Variants in RCL1 observed in about 807,000 individuals in gnomAD.
RCL1 encodes RNA 3'-terminal phosphate cyclase-like protein.
Under a neutral mutation model 42.4 loss-of-function variants are expected in RCL1, and 24 were observed. The ratio of observed to expected loss-of-function variants is 0.57; its 90% CI spans 0.41 to 0.80. The LOEUF is 0.80. Among genes scored for constraint, RCL1 ranks in the 30% least tolerant of loss-of-function variants. RCL1 has a pLI of 0.00. For synonymous variants in RCL1, 228 were observed against 177.3 expected, an observed-to-expected ratio of 1.29 and a Z score of -2.27; for missense variants, 578 against 467.9, an observed-to-expected ratio of 1.24 and a Z score of -2.17.
chr9:4,819,800 C>T (rs1290536180), intron 1 of RCL1, among the ~76,000 whole-genome samples: 4 of 152,108 alleles, frequency 2.6e-5, no homozygotes, highest in East Asian at 1.9e-4. Flanking sequence ...AGCGAGACTC[C>T]GTCTCAAAAA....
Position 4,858,735 on chromosome 9 carries a change from C to A in RCL1, c.972-1390C>A, listed in dbSNP as rs145194554. Among the ~76,000 whole-genome samples, 742 of 116,550 alleles carry A rather than the reference C, an allele frequency of 6.4e-3. 5 individuals carry two copies. The highest frequency in any genetic ancestry group is 0.023 in the African/African-American group (721 of 31,268). The allele number at this position is 116,550 out of a possible 152,430, so 76.5% of individuals were successfully genotyped here. ...TGTTTTTAAAGCTCCTTAGGTTATTCCATGTGCAGTCGAGATTGAGAACCA... is the reference window on the plus strand; with the variant it reads ...TGTTTTTAAAGCTCCTTAGGTTATTACATGTGCAGTCGAGATTGAGAACCA... On this transcript the variant is annotated intron_variant, in intron 8 of 8. Transcript: ENST00000381750.
intron 8 of RCL1, among the ~76,000 whole-genome samples, chr9:4,859,297 A>T (rs1374270368): frequency 6.6e-6 from 1 of 152,166 alleles, no homozygotes; most frequent in Non-Finnish European, 1.5e-5. Flanking sequence ...CTTCTGCCAA[A>T]TATGTACAAA....
chr9:4,836,048 T>C (rs907944635), intron 5 of RCL1, among the ~76,000 whole-genome samples: 3 of 151,678 alleles, frequency 2.0e-5, no homozygotes, highest in African/African-American at 4.9e-5. Context: ...ATGGGCGGGG[T>C]AGGATAAGAG....
At chr9:4,853,751 A>C (rs10758657) in intron 8 of RCL1, among the ~76,000 whole-genome samples, 394 of 152,092 alleles carry the variant, frequency 2.6e-3, no homozygotes, top group African/African-American at 8.9e-3. Context: ...CTGTAAAATG[A>C]TCTCTTTCTA....
intron 1 of RCL1, among the ~76,000 whole-genome samples, chr9:4,802,049 T>C (rs952418489): frequency 6.6e-6 from 1 of 151,582 alleles, no homozygotes; most frequent in African/African-American, 2.4e-5. Flanking sequence ...TCTGGGATTA[T>C]AGGTGTGTGC....
At chr9:4,794,329 G>A (rs950729660) in intron 1 of RCL1, among the ~76,000 whole-genome samples, 1 of 152,204 alleles carries the variant, frequency 6.6e-6, no homozygotes, top group Non-Finnish European at 1.5e-5. Flanking sequence ...GAAAGAAGCA[G>A]AATATCCCAG....
intron 1 of RCL1, among the ~76,000 whole-genome samples, chr9:4,811,442 G>T (rs75777937): frequency 1.3e-5 from 2 of 151,386 alleles, no homozygotes; most frequent in Non-Finnish European, 1.5e-5. Flanking sequence ...CCCTTTCCCC[G>T]CCTCTAGTAA....
chr9:4,858,265 A>G (rs975361741), intron 8 of RCL1, among the ~76,000 whole-genome samples: 3 of 152,164 alleles, frequency 2.0e-5, no homozygotes, highest in Admixed American at 6.5e-5. Context: ...TTTATCAGAT[A>G]TATGACTTGC....
intron 8 of RCL1, among the ~76,000 whole-genome samples, chr9:4,858,290 A>T (rs989856372): frequency 1.3e-5 from 2 of 152,062 alleles, no homozygotes; most frequent in Non-Finnish European, 2.9e-5. Context: ...CTTTTCTCCA[A>T]TCCTGTAGGT....
chr9:4,814,783 C>G lies in RCL1; in HGVS notation c.137-8765C>G, dbSNP rs576427694. Among the ~76,000 whole-genome samples, 121 of 152,136 alleles carry G rather than the reference C, an allele frequency of 8.0e-4. 2 individuals are homozygous for G. The highest frequency in any genetic ancestry group is 3.4e-3 in the Middle Eastern group (1 of 294). On this transcript the variant is annotated intron_variant, in intron 1 of 8. Coordinates refer to ENST00000381750, the MANE Select transcript of RCL1 (RefSeq NM_005772.5). Reference sequence around the variant, plus strand: ...TTTTCATTTCTAGATGTAGGACCTTCTTGAGCATTTCTTGTAAGGCCTGGC... The same window carrying G: ...TTTTCATTTCTAGATGTAGGACCTTGTTGAGCATTTCTTGTAAGGCCTGGC...
chr9:4,797,869 C>A (rs1264997023), intron 1 of RCL1, among the ~76,000 whole-genome samples: 1 of 152,188 alleles, frequency 6.6e-6, no homozygotes, highest in Non-Finnish European at 1.5e-5. Flanking sequence ...TGAAAGGAAT[C>A]TGAACCCCAA....
chr9:4,802,074 ATTTTTTTTTTT>A (rs34756856), intron 1 of RCL1, among the ~76,000 whole-genome samples: 1 of 95,458 alleles, frequency 1.0e-5, no homozygotes. Flanking sequence ...ACGCCTGGCT[ATTTTTTTTTTT>A]TTTTTTTTTT....
chr9:4,800,950 G>C (rs893080616), intron 1 of RCL1, among the ~76,000 whole-genome samples: 7 of 152,292 alleles, frequency 4.6e-5, no homozygotes, highest in African/African-American at 1.7e-4. Context: ...CACCACACTG[G>C]CCTGGATGTA....
At chr9:4,817,258 G>C (rs1364332848) in intron 1 of RCL1, among the ~76,000 whole-genome samples, 1 of 151,748 alleles carries the variant, frequency 6.6e-6, no homozygotes, top group Middle Eastern at 3.2e-3. Flanking sequence ...ATTTGTTTTG[G>C]TTTGTCATTT....
At chr9:4,847,124 C>G (rs1409816306) in intron 7 of RCL1, among the ~76,000 whole-genome samples, 1 of 152,156 alleles carries the variant, frequency 6.6e-6, no homozygotes, top group African/African-American at 2.4e-5. Context: ...GGTGTTCCAC[C>G]CGCCTCGGCC....
intron 5 of RCL1, among the ~76,000 whole-genome samples, chr9:4,838,324 C>T: frequency 6.6e-6 from 1 of 152,214 alleles, no homozygotes; most frequent in Admixed American, 6.5e-5. Flanking sequence ...CTGCCAGCAG[C>T]TGTGACTACA....
rs568031944 is a variant in RCL1 at position 4,852,027 on chromosome 9, A to G, written c.971+2477A>G. Among the ~76,000 whole-genome samples, 217 of 151,940 alleles carry G rather than the reference A, an allele frequency of 1.4e-3. 1 individual carries two copies. Among genetic ancestry groups the G allele is most frequent in the African/African-American group, 4.5e-3 (188 of 41,436 alleles). On this transcript the variant is annotated intron_variant, in intron 8 of 8. Transcript: ENST00000381750. ...CTCCCGAGTAGCTGGGACTACAGGC[A>G]CCCGCCACCGTGCCTGGCTAATTTT...
chr9:4,798,777 A>G (rs574092567), intron 1 of RCL1, among the ~76,000 whole-genome samples: 1 of 152,216 alleles, frequency 6.6e-6, no homozygotes, highest in African/African-American at 2.4e-5. Flanking sequence ...CTAACTGTAG[A>G]TTGAATATGT....
chr9:4,844,777 C>G, intron 7 of RCL1, 96 bp downstream of exon 7: 1 of 1,281,872 alleles, frequency 7.8e-7, no homozygotes, highest in South Asian at 1.4e-5. Context: ...TCCAAGGGCT[C>G]AAGCCAAGGA....
Sources: allele counts gnomAD v4.1 joint callset (sites outside exome capture counted in the v4.1 genomes callset), GRCh38; gene constraint gnomAD v4.1.1; transcripts MANE v1.5; gene names NCBI Gene and HGNC (gene_info 2026-07-23, HGNC 2026-07-21).